Variants in EYS observed in about 807,000 individuals in gnomAD.
The protein encoded by EYS is protein eyes shut homolog.
In EYS, 250 loss-of-function variants were observed where a neutral mutation model predicts 282.1. The observed-to-expected ratio is 0.89, with a 90% CI of 0.80 to 0.98. The LOEUF is 0.98. EYS is among the 50% of genes least tolerant of loss of function. EYS has a pLI of 0.00. For synonymous variants in EYS, 1,355 were observed against 1,282.9 expected (o/e 1.06, Z -1.20); for missense variants, 4,016 against 3,709.0 (o/e 1.08, Z -2.15).
chr6:64,711,615 T>G (rs1583068865), intron 22 of EYS, among the ~76,000 whole-genome samples: 1 of 152,296 alleles, frequency 6.6e-6, no homozygotes, highest in Non-Finnish European at 1.5e-5. Flanking sequence ...CTCTGTCCAG[T>G]TTAATTCTAC....
intron 22 of EYS, among the ~76,000 whole-genome samples, chr6:64,705,335 A>G (rs1770966981): frequency 6.7e-6 from 1 of 148,228 alleles, no homozygotes; most frequent in African/African-American, 2.6e-5. Flanking sequence ...ATCATAGATA[A>G]ACAAACAGAG....
intron 13 of EYS, among the ~76,000 whole-genome samples, chr6:65,047,098 T>C (rs1773126537): frequency 8.1e-6 from 1 of 122,778 alleles, no homozygotes; most frequent in Non-Finnish European, 1.9e-5. Flanking sequence ...ATTAAACCTC[T>C]TTTTTTTTTT....
At chr6:64,494,822 T>A (rs1234400284) in intron 26 of EYS, among the ~76,000 whole-genome samples, 1 of 151,778 alleles carries the variant, frequency 6.6e-6, no homozygotes, top group East Asian at 1.9e-4. Flanking sequence ...AGAAGAGTTA[T>A]AAGCATCAAA....
At chr6:64,990,477 T>C (rs535328235) in intron 14 of EYS, among the ~76,000 whole-genome samples, 23 of 151,656 alleles carry the variant, frequency 1.5e-4, no homozygotes, top group Non-Finnish European at 3.0e-4. Context: ...GTGTTTGTTT[T>C]GAAATCAGCT....
rs542159991 is a variant in EYS, at chr6:65,522,086, T to C, written c.-332-26093A>G. Reference sequence around the variant, plus strand: ...CAAATCTTGGTGACGTGTTATACTTTCATCAGCACTTGCAAAAATATTTAG... The same window carrying C: ...CAAATCTTGGTGACGTGTTATACTTCCATCAGCACTTGCAAAAATATTTAG... On this transcript the variant is annotated intron_variant, in intron 2 of 42. Transcript: ENST00000503581. Among the ~76,000 whole-genome samples, 3 of 152,278 alleles carry C rather than the reference T, an allele frequency of 2.0e-5. No homozygotes were observed. In the East Asian group the frequency reaches 5.8e-4, roughly 29 times the overall value.
chr6:64,727,947 T>C (rs76920147), intron 22 of EYS, among the ~76,000 whole-genome samples: 2,537 of 152,272 alleles, frequency 0.017, 66 homozygotes, highest in African/African-American at 0.057. Flanking sequence ...GAAGATACAA[T>C]TGAAACCACT....
chr6:64,528,545 C>A (rs148686741), intron 26 of EYS, among the ~76,000 whole-genome samples: 3 of 151,922 alleles, frequency 2.0e-5, no homozygotes, highest in African/African-American at 7.2e-5. Flanking sequence ...TGCTTTGAAT[C>A]TTTTATCTTA....
chr6:65,022,116 G>A (rs1772268262), intron 13 of EYS, among the ~76,000 whole-genome samples: 1 of 152,198 alleles, frequency 6.6e-6, no homozygotes, highest in Admixed American at 6.5e-5. Flanking sequence ...CTATAATGGT[G>A]TGTTTTAGCT....
chr6:65,471,674 A>G (rs1437661913), intron 5 of EYS, among the ~76,000 whole-genome samples: 1 of 152,140 alleles, frequency 6.6e-6, no homozygotes, highest in African/African-American at 2.4e-5. Flanking sequence ...ACTGTAAAAT[A>G]AATGATATGG....
intron 12 of EYS, among the ~76,000 whole-genome samples, chr6:65,273,131 A>G (rs1767949110): frequency 6.6e-6 from 1 of 152,212 alleles, no homozygotes; most frequent in South Asian, 2.1e-4. Context: ...AGATTTCATC[A>G]TGCTACTCCT....
intron 18 of EYS, among the ~76,000 whole-genome samples, chr6:64,897,094 G>C (rs1767499309): frequency 6.6e-6 from 1 of 152,184 alleles, no homozygotes; most frequent in South Asian, 2.1e-4. Context: ...CCAGTACAGT[G>C]CTCAAGCTCT....
intron 41 of EYS, among the ~76,000 whole-genome samples, chr6:63,751,571 G>A (rs148135930): frequency 2.6e-3 from 401 of 152,150 alleles, no homozygotes; most frequent in Admixed American, 6.7e-3. Context: ...GAAGTGTTAC[G>A]ACTTTACCTC....
intron 22 of EYS, among the ~76,000 whole-genome samples, chr6:64,763,377 G>A (rs1182500498): frequency 3.9e-5 from 6 of 152,102 alleles, no homozygotes; most frequent in Admixed American, 2.0e-4. Flanking sequence ...TTCTTCATAT[G>A]GTGGCTGGAG....
intron 22 of EYS, among the ~76,000 whole-genome samples, chr6:64,627,734 ACTGTGCTAGATC>A (rs1767653211): frequency 6.6e-6 from 1 of 152,148 alleles, no homozygotes. Flanking sequence ...TAGTAACTCC[ACTGTGCTAGATC>A]CTTACCTAGC....
At chr6:65,343,780 A>G (rs1052836915) in intron 10 of EYS, among the ~76,000 whole-genome samples, 4 of 151,486 alleles carry the variant, frequency 2.6e-5, no homozygotes, top group Non-Finnish European at 3.0e-5. Context: ...GCAAATTATA[A>G]CATTAATAAA....
chr6:65,091,284 A>C (rs1774554441), intron 12 of EYS, among the ~76,000 whole-genome samples: 1 of 149,440 alleles, frequency 6.7e-6, no homozygotes, highest in East Asian at 2.0e-4. Flanking sequence ...AAAAAAAAAA[A>C]AAAAAAAAAA....
intron 12 of EYS, among the ~76,000 whole-genome samples, chr6:65,140,840 C>G (rs1185471145): frequency 6.7e-6 from 1 of 148,506 alleles, no homozygotes; most frequent in Non-Finnish European, 1.5e-5. Context: ...AGTCAGGAAA[C>G]AACAGGTGCT....
chr6:65,499,872 T>C (rs1582382600), intron 2 of EYS, among the ~76,000 whole-genome samples: 2 of 151,974 alleles, frequency 1.3e-5, no homozygotes, highest in African/African-American at 4.8e-5. Flanking sequence ...ATTATGCTCC[T>C]ACTATTGGGA....
intron 13 of EYS, among the ~76,000 whole-genome samples, chr6:65,026,684 G>T (rs1324831829): frequency 6.6e-6 from 1 of 152,100 alleles, no homozygotes; most frequent in South Asian, 2.1e-4. Context: ...TTGGGAGGCC[G>T]AGACAGGCAG....
Sources: allele counts gnomAD v4.1 joint callset (sites outside exome capture counted in the v4.1 genomes callset), GRCh38; gene constraint gnomAD v4.1.1; transcripts MANE v1.5; gene names NCBI Gene and HGNC (gene_info 2026-07-23, HGNC 2026-07-21).